Variants in TTC6 observed in about 807,000 individuals in gnomAD.
TTC6 encodes tetratricopeptide repeat domain 6.
Under a neutral mutation model 210.4 loss-of-function variants are expected in TTC6, and 172 were observed. The ratio of observed to expected loss-of-function variants is 0.82; its 90% confidence interval spans 0.72 to 0.93. TTC6 has a LOEUF of 0.93. Ranked by LOEUF, TTC6 falls within the 40% of genes least tolerant of loss-of-function variation. The pLI is 0.00. For synonymous variants in TTC6, 804 were observed against 819.6 expected, an observed-to-expected ratio of 0.98 and a Z score of 0.32; for missense variants, 2,414 against 2,318.1, an observed-to-expected ratio of 1.04 and a Z score of -0.85.
At chr14:37,753,283 A>T in intron 14 of TTC6, 48 bp downstream of exon 16, 1 of 1,438,502 alleles carries the variant, frequency 7.0e-7, no homozygotes, top group Non-Finnish European at 9.3e-7. Context: ...TATTATTTGA[A>T]ATACATTTTC....
intron 29 of TTC6, among the ~76,000 whole-genome samples, chr14:37,831,740 G>C (rs904054881): frequency 4.5e-5 from 5 of 110,486 alleles, no homozygotes; most frequent in Admixed American, 1.0e-4. Context: ...TTGGCCGTCT[G>C]TTATGTCTTT....
chr14:37,735,323 C>T (rs1041504512), intron 7 of TTC6, among the ~76,000 whole-genome samples: 15 of 151,958 alleles, frequency 9.9e-5, no homozygotes, highest in Non-Finnish European at 2.2e-4. Context: ...TTAATCTACC[C>T]GGGTGTCGAA....
At chr14:37,662,620 C>G (rs761854446) in intron 1 of TTC6, among the ~76,000 whole-genome samples, 8 of 152,060 alleles carry the variant, frequency 5.3e-5, no homozygotes, top group Non-Finnish European at 7.4e-5. Flanking sequence ...TCAGTCTTCT[C>G]CATATGGCTA....
At chr14:37,667,539 A>G (rs1354165974) in intron 1 of TTC6, among the ~76,000 whole-genome samples, 1 of 150,742 alleles carries the variant, frequency 6.6e-6, no homozygotes, top group Non-Finnish European at 1.5e-5. Context: ...CTGTCCTGTC[A>G]GACATTGTCA....
intron 5 of TTC6, among the ~76,000 whole-genome samples, chr14:37,707,519 C>A (rs1457295307): frequency 6.6e-6 from 1 of 151,976 alleles, no homozygotes; most frequent in Non-Finnish European, 1.5e-5. Flanking sequence ...TTCTAATTTT[C>A]ATTGTGAGAC....
At position 37,738,763 on chromosome 14, in the gene TTC6, C is replaced by G; in HGVS notation, c.1984-13C>G. The G allele has an allele frequency of 6.9e-7, 1 of 1,441,292 alleles. No individual in the cohort carries two copies. Among genetic ancestry groups the G allele is most frequent in the Non-Finnish European group, 9.1e-7 (1 of 1,103,408 alleles). The allele number at this position is 1,441,292 out of a possible 1,614,324, so 89.3% of individuals were successfully genotyped here. ...ATTTTACGTTTTTTCTACCTCTTTG[C>G]TTGCTTACTAAGCGAGTAAAATCTT... On this transcript the variant is annotated splice_polypyrimidine_tract_variant and intron_variant, in intron 9 of 30. Transcript: ENST00000553443.
At chr14:37,748,904 C>G (rs1468540277) in intron 10 of TTC6, 35 bp from the exon 13 acceptor site, 11 of 1,402,444 alleles carry the variant, frequency 7.8e-6, no homozygotes, top group Non-Finnish European at 1.0e-5. Flanking sequence ...GATTGTATTT[C>G]TGTAATTTAA....
At chr14:37,683,636 T>C (rs2095788605) in intron 3 of TTC6, among the ~76,000 whole-genome samples, 1 of 152,278 alleles carries the variant, frequency 6.6e-6, no homozygotes, top group South Asian at 2.1e-4. Flanking sequence ...TTATTAGTTA[T>C]GGTTGTTAAT....
chr14:37,644,784 A>G (rs1215444295), intron 1 of TTC6, among the ~76,000 whole-genome samples: 1 of 152,188 alleles, frequency 6.6e-6, no homozygotes, highest in Admixed American at 6.5e-5. Context: ...GCTTTAAGGA[A>G]TTAGGTAACA....
intron 14 of TTC6, among the ~76,000 whole-genome samples, chr14:37,782,594 C>G (rs1192249530): frequency 1.3e-5 from 2 of 152,028 alleles, no homozygotes; most frequent in African/African-American, 2.4e-5. Flanking sequence ...TTGACTTCCT[C>G]TTTTCCTAAT....
At chr14:37,727,575 G>C (rs1048159334) in intron 7 of TTC6, among the ~76,000 whole-genome samples, 1 of 151,872 alleles carries the variant, frequency 6.6e-6, no homozygotes, top group Non-Finnish European at 1.5e-5. Flanking sequence ...TTACAGGTGT[G>C]AGCCACCACG....
intron 14 of TTC6, among the ~76,000 whole-genome samples, 165 bp downstream of exon 16, chr14:37,753,400 C>T (rs769505870): frequency 9.9e-5 from 15 of 152,130 alleles, no homozygotes; most frequent in East Asian, 3.8e-4. Flanking sequence ...CTAATGGTGT[C>T]GGTAATTTAA....
chr14:37,835,314 T>C (rs544032304), intron 29 of TTC6, among the ~76,000 whole-genome samples: 7 of 152,282 alleles, frequency 4.6e-5, no homozygotes, highest in Admixed American at 2.0e-4. Flanking sequence ...CTTTGAGACT[T>C]TGAGGGTAAG....
At chr14:37,797,280 T>C (rs938948812) in intron 20 of TTC6, among the ~76,000 whole-genome samples, 3 of 152,102 alleles carry the variant, frequency 2.0e-5, no homozygotes, top group African/African-American at 7.2e-5. Context: ...TTCTCCTACC[T>C]GAAGTGTAGG....
At chr14:37,704,855 T>G (rs2095832313) in intron 5 of TTC6, among the ~76,000 whole-genome samples, 1 of 152,156 alleles carries the variant, frequency 6.6e-6, no homozygotes, top group South Asian at 2.1e-4. Flanking sequence ...ATTAAATATT[T>G]AATCCATTTG....
chr14:37,713,250 C>T (rs34265999), intron 5 of TTC6, among the ~76,000 whole-genome samples: 8,699 of 152,274 alleles, frequency 0.057, 383 homozygotes, highest in Non-Finnish European at 0.089. Context: ...CCAACAGAAA[C>T]ATTAGAACCT....
intron 1 of TTC6, among the ~76,000 whole-genome samples, chr14:37,604,530 C>T (rs1007526329): frequency 1.3e-5 from 2 of 152,078 alleles, no homozygotes; most frequent in Non-Finnish European, 2.9e-5. Flanking sequence ...AGAGTATTGT[C>T]GGAGCCCGCC....
chr14:37,775,563 T>C (rs2096034611), intron 14 of TTC6, among the ~76,000 whole-genome samples: 2 of 152,210 alleles, frequency 1.3e-5, no homozygotes, highest in Admixed American at 1.3e-4. Flanking sequence ...AGTATTGATT[T>C]ATATTTTTAC....
chr14:37,622,456 A>G, exon 1 of TTC6: 51 of 1,535,086 alleles, frequency 3.3e-5, no homozygotes, highest in Non-Finnish European at 4.4e-5. Flanking sequence ...CTACGGCACC[A>G]GGCCCTGAAA....
Sources: allele counts gnomAD v4.1 joint callset (sites outside exome capture counted in the v4.1 genomes callset), GRCh38; gene constraint gnomAD v4.1.1; transcripts MANE v1.5; gene names NCBI Gene and HGNC (gene_info 2026-07-23, HGNC 2026-07-21).